Variants in MACROD2 observed in about 807,000 individuals in gnomAD.
The protein encoded by MACROD2 is mono-ADP ribosylhydrolase 2.
In MACROD2, 36 loss-of-function variants were observed where a neutral mutation model predicts 70.4. That is an observed-to-expected ratio of 0.51 (90% CI 0.39 to 0.68). The LOEUF (loss-of-function observed/expected upper bound fraction) is 0.68. MACROD2 is among the 30% of genes least tolerant of loss of function. The pLI, the probability that MACROD2 is intolerant of heterozygous loss-of-function variation, is 0.00. For missense variants in MACROD2, 496 were observed against 538.4 expected (o/e 0.92, Z 0.78); for synonymous variants, 172 against 178.8 (o/e 0.96, Z 0.30).
intron 8 of MACROD2, among the ~76,000 whole-genome samples, chr20:15,713,526 C>T (rs1362276119): frequency 6.9e-6 from 1 of 145,052 alleles, no homozygotes; most frequent in East Asian, 2.0e-4. Flanking sequence ...ATGTCTTCAC[C>T]TCGATGGCAG....
At chr20:15,891,054 C>T (rs1052892149) in intron 10 of MACROD2, among the ~76,000 whole-genome samples, 1 of 152,064 alleles carries the variant, frequency 6.6e-6, no homozygotes, top group Non-Finnish European at 1.5e-5. Flanking sequence ...AAGGGATACA[C>T]CAGAGAGTGA....
At chr20:15,875,684 A>G (rs1288479800) in intron 9 of MACROD2, among the ~76,000 whole-genome samples, 1 of 151,922 alleles carries the variant, frequency 6.6e-6, no homozygotes, top group Admixed American at 6.6e-5. Flanking sequence ...CAGTGAGTGT[A>G]GCAAATGCTG....
intron 5 of MACROD2, among the ~76,000 whole-genome samples, chr20:14,775,308 T>C (rs941937066): frequency 6.6e-6 from 1 of 151,444 alleles, no homozygotes; most frequent in Non-Finnish European, 1.5e-5. Context: ...TGAGGCGGGG[T>C]AATTTATTTT....
At chr20:15,683,599 G>A (rs2050189440) in intron 8 of MACROD2, among the ~76,000 whole-genome samples, 1 of 152,040 alleles carries the variant, frequency 6.6e-6, no homozygotes, top group African/African-American at 2.4e-5. Context: ...TGTTTTTTGA[G>A]ACAAAGTCTC....
chr20:14,595,623 A>G (rs796273103), intron 4 of MACROD2, among the ~76,000 whole-genome samples: 1 of 152,326 alleles, frequency 6.6e-6, no homozygotes, highest in African/African-American at 2.4e-5. Context: ...ATCTTTGTCA[A>G]GACAGCTTTG....
At chr20:14,334,726 T>C (rs16994493) in intron 3 of MACROD2, among the ~76,000 whole-genome samples, 3,915 of 152,084 alleles carry the variant, frequency 0.026, 52 homozygotes, top group African/African-American at 0.033. Flanking sequence ...GAAAAATTAC[T>C]GAATCTTATT....
intron 8 of MACROD2, among the ~76,000 whole-genome samples, chr20:15,605,453 C>CGTGTGTGTGT (rs57584580): frequency 0.035 from 4,998 of 141,742 alleles, 239 homozygotes; most frequent in African/African-American, 0.11. Context: ...AGGATGTAAG[C>CGTGTGTGTGT]GTGTGTGTGT....
chr20:14,197,465 T>G (rs913410368), intron 3 of MACROD2, among the ~76,000 whole-genome samples: 3 of 152,238 alleles, frequency 2.0e-5, no homozygotes, highest in African/African-American at 7.2e-5. Flanking sequence ...TCCAAGGGTA[T>G]GACAGACATT....
rs962381392 is a variant in MACROD2, at chr20:14,292,929, C to G, written c.272-200550C>G. On this transcript the variant is annotated intron_variant, in intron 3 of 17. Transcript: ENST00000684519. ...GGATTACAGGCATGAGCCACAGCGC[C>G]TGGCCTCATTCATGCATTTATTCAG... Among the ~76,000 whole-genome samples, 5 of 152,042 alleles carry G rather than the reference C, an allele frequency of 3.3e-5. No homozygotes were observed. In the South Asian group the frequency reaches 1.0e-3, roughly 32 times the overall value.
At chr20:15,729,755 A>G (rs1343817584) in intron 8 of MACROD2, among the ~76,000 whole-genome samples, 1 of 144,958 alleles carries the variant, frequency 6.9e-6, no homozygotes, top group African/African-American at 2.6e-5. Flanking sequence ...ATTTTTCTCC[A>G]TCCCTTTACT....
chr20:14,950,028 C>T (rs951980347), intron 5 of MACROD2, among the ~76,000 whole-genome samples: 1 of 152,098 alleles, frequency 6.6e-6, no homozygotes, highest in South Asian at 2.1e-4. Context: ...CACTTATTGT[C>T]CCTTCTTGAC....
At chr20:14,507,054 T>G (rs749954447) in intron 4 of MACROD2, among the ~76,000 whole-genome samples, 10 of 152,288 alleles carry the variant, frequency 6.6e-5, no homozygotes, top group Non-Finnish European at 1.3e-4. Flanking sequence ...AATCTGTGAC[T>G]AGTATTCAGA....
intron 4 of MACROD2, among the ~76,000 whole-genome samples, chr20:14,646,179 A>G (rs1044813009): frequency 2.0e-5 from 3 of 151,954 alleles, no homozygotes; most frequent in Admixed American, 2.0e-4. Context: ...ATGAATTACA[A>G]TGCAATTTTC....
intron 5 of MACROD2, among the ~76,000 whole-genome samples, chr20:14,992,692 A>G (rs1309771803): frequency 6.6e-6 from 1 of 152,234 alleles, no homozygotes; most frequent in Non-Finnish European, 1.5e-5. Context: ...TAAGTAGACT[A>G]TAATACCTGT....
intron 5 of MACROD2, among the ~76,000 whole-genome samples, chr20:14,798,123 T>C (rs1020734375): frequency 1.1e-4 from 16 of 152,060 alleles, no homozygotes; most frequent in Non-Finnish European, 2.2e-4. Context: ...TTTTCAGATA[T>C]GTTCTACAGC....
At chr20:15,917,893 T>C (rs1038710868) in intron 10 of MACROD2, among the ~76,000 whole-genome samples, 2 of 151,536 alleles carry the variant, frequency 1.3e-5, no homozygotes, top group Admixed American at 1.3e-4. Flanking sequence ...CTAAAAGCTG[T>C]TCATCATATT....
At chr20:14,273,507 A>G (rs1286072733) in intron 3 of MACROD2, among the ~76,000 whole-genome samples, 2 of 148,462 alleles carry the variant, frequency 1.3e-5, no homozygotes, top group African/African-American at 5.0e-5. Flanking sequence ...GTGTAGAGGG[A>G]AATTTATAGC....
At chr20:14,329,096 A>G (rs1413621336) in intron 3 of MACROD2, 2 of 152,092 alleles carry the variant, frequency 1.3e-5, no homozygotes, top group African/African-American at 2.4e-5. Context: ...ATCCAAGTAT[A>G]AACTTTGTAC....
chr20:15,605,238 A>T (rs367847389), intron 8 of MACROD2, among the ~76,000 whole-genome samples: 1 of 152,096 alleles, frequency 6.6e-6, no homozygotes, highest in Admixed American at 6.5e-5. Flanking sequence ...ATGAGGAGAA[A>T]TTGTGCCTGG....
Sources: allele counts gnomAD v4.1 joint callset (sites outside exome capture counted in the v4.1 genomes callset), GRCh38; gene constraint gnomAD v4.1.1; transcripts MANE v1.5; gene names NCBI Gene and HGNC (gene_info 2026-07-23, HGNC 2026-07-21).